FCGR2B: variants seen among roughly 807,000 people sequenced by gnomAD.
FCGR2B encodes Fc gamma receptor IIb.
A neutral mutation model predicts 24.8 loss-of-function variants in FCGR2B; 18 were observed. That is an observed-to-expected ratio of 0.73 (90% CI 0.50 to 1.08). The LOEUF (loss-of-function observed/expected upper bound fraction) is 1.08. FCGR2B is among the 50% of genes least tolerant of loss of function. The pLI, the probability that FCGR2B is intolerant of heterozygous loss-of-function variation, is 0.00. For synonymous variants in FCGR2B, 79 were observed against 109.8 expected, an observed-to-expected ratio of 0.72 and a Z score of 1.75; for missense variants, 215 against 297.6, an observed-to-expected ratio of 0.72 and a Z score of 2.04.
chr1:161,676,104 T>C (rs188422682), intron 6 of FCGR2B: 31,653 of 230,254 alleles, frequency 0.14, 2,444 homozygotes, highest in African/African-American at 0.18. Context: ...TAAAGGAACT[T>C]CCAGGAGGAT....
Position 161,677,864 on chromosome 1 carries a change from T to G in FCGR2B, c.*311T>G. ...TAACAGATAATAGCAACTTGGGAAATGCTTATGTTACAGGTTACGTGAGAA... is the reference window on the plus strand; with the variant it reads ...TAACAGATAATAGCAACTTGGGAAAGGCTTATGTTACAGGTTACGTGAGAA... On this transcript the variant is annotated 3_prime_UTR_variant, in exon 8 of 8. Coordinates refer to ENST00000358671, the MANE Select transcript of FCGR2B (RefSeq NM_001394477.1). 2 of 343,080 alleles carry G rather than the reference T, an allele frequency of 5.8e-6. No homozygotes were observed. Among genetic ancestry groups the G allele is most frequent in the East Asian group, 9.7e-5 (2 of 20,642 alleles). 21.3% of individuals were successfully genotyped at this position (343,080 alleles called of 1,614,324 possible).
At chr1:161,649,361 A>G in the FCGR2B span, among the ~76,000 whole-genome samples, 1 of 150,996 alleles carries the variant, frequency 6.6e-6, no homozygotes, top group African/African-American at 2.4e-5. Context: ...CTTTAAAAGA[A>G]AAGTTTTGCA....
the FCGR2B span, among the ~76,000 whole-genome samples, chr1:161,654,887 C>T: frequency 1.5e-5 from 2 of 137,394 alleles, no homozygotes; most frequent in Admixed American, 1.5e-4. Context: ...TCAGGTGTTT[C>T]TAATTAATAC....
chr1:161,671,486 C>A lies in FCGR2B; in HGVS notation c.228C>A (p.Ser76Arg), dbSNP rs751280282. ...SVTLTCRGTH[S>R]PESDSIQWFH... ...CTCTGACATGCCGGGGGACTCACAG[C>A]CCTGAGAGCGACTCCATTCAGTGGT... The change falls in exon 3 of 8, where the codon AGC (serine) becomes AGA (arginine). Residue 76 changes from serine to arginine, a missense_variant. This residue lies in a region of FCGR2B where 77 missense variants were observed against 68.8 expected (regional missense o/e 1.12). Transcript: ENST00000358671. The A allele has an allele frequency of 2.5e-6, 4 of 1,614,066 alleles. No homozygotes were observed. The Admixed American group carries it at 5.0e-5, about 20-fold the overall frequency.
At chr1:161,652,943 T>C in the FCGR2B span, among the ~76,000 whole-genome samples, 4 of 134,524 alleles carry the variant, frequency 3.0e-5, 1 homozygote, top group Admixed American at 8.2e-5. Flanking sequence ...TCAATTTTCC[T>C]GCACTACCCC....
rs2102685550 is a variant in FCGR2B at position 161,678,400 on chromosome 1, C to A, written c.*847C>A. 1 of 217,764 alleles carries A rather than the reference C, an allele frequency of 4.6e-6. No individual in the cohort carries two copies. The highest frequency in any genetic ancestry group is 1.9e-4 in the South Asian group (1 of 5,388). 13.5% of individuals were successfully genotyped at this position (217,764 alleles called of 1,614,324 possible). On this transcript the variant is annotated 3_prime_UTR_variant, in exon 8 of 8. Transcript: ENST00000358671. ...TTGCCTAAAGTATTCAGTACAGTAG[C>A]ATGCTGTACAGGTTTGTAGCCTAGG...
Position 161,673,336 on chromosome 1 carries a change from G to T in FCGR2B, c.646+107G>T, listed in dbSNP as rs1291732471. 2.5e-5 allele frequency: 40 copies of T among 1,601,708 alleles called. No individual in the cohort carries two copies. The East Asian group carries it at 9.0e-4, about 36-fold the overall frequency. On this transcript the variant is annotated intron_variant, in intron 4 of 7. Coordinates refer to ENST00000358671, the MANE Select transcript of FCGR2B (RefSeq NM_001394477.1). Reference sequence around the variant, plus strand: ...CTGAGAAAGGCCACAGCGCAAAATTGGGCACTGGAGCAAAGAGGAGTGGTG... The same window carrying T: ...CTGAGAAAGGCCACAGCGCAAAATTTGGCACTGGAGCAAAGAGGAGTGGTG...
chr1:161,675,077 G>A (rs901224122), intron 5 of FCGR2B, 180 bp from the exon 6 acceptor site: 7 of 553,560 alleles, frequency 1.3e-5, no homozygotes, highest in African/African-American at 2.0e-5. Flanking sequence ...TCTGCCTCTG[G>A]ACCAGCCCTT....
At chr1:161,650,946 T>C in the FCGR2B span, among the ~76,000 whole-genome samples, 1 of 96,516 alleles carries the variant, frequency 1.0e-5, no homozygotes, top group African/African-American at 3.8e-5. Flanking sequence ...AAATTATTGA[T>C]AGAGAATTAT....
Position 161,671,510 on chromosome 1 carries a change from G to T in FCGR2B, c.252G>T (p.Trp84Cys). 6.2e-7 allele frequency: 1 copy of T among 1,614,178 alleles called. No homozygotes were observed. Among genetic ancestry groups the T allele is most frequent in the South Asian group, 1.1e-5 (1 of 91,084 alleles). ...GCCCTGAGAGCGACTCCATTCAGTGGTTCCACAATGGGAATCTCATTCCCA... is the reference window on the plus strand; with the variant it reads ...GCCCTGAGAGCGACTCCATTCAGTGTTTCCACAATGGGAATCTCATTCCCA... ...THSPESDSIQ[W>C]FHNGNLIPTH... Residue 84 changes from tryptophan to cysteine, a missense_variant, in exon 3 of 8, where the codon TGG becomes TGT. Transcript: ENST00000358671.
chr1:161,671,158 T>C (rs1031719196), intron 2 of FCGR2B, among the ~76,000 whole-genome samples: 1 of 152,160 alleles, frequency 6.6e-6, no homozygotes, highest in African/African-American at 2.4e-5. Context: ...GGTGTTTCTC[T>C]TGCCTGCTCC....
chr1:161,652,675 G>T, the FCGR2B span, among the ~76,000 whole-genome samples: 1 of 134,656 alleles, frequency 7.4e-6, no homozygotes. Context: ...TTCTGTGTTG[G>T]CTCATTGTTT....
chr1:161,675,654 G>A, intron 6 of FCGR2B: 1 of 263,626 alleles, frequency 3.8e-6, no homozygotes. Context: ...AAAGGATGGG[G>A]TTAGGGGCTG....
rs376541915 is a variant in FCGR2B at position 161,673,199 on chromosome 1, T to C, written c.616T>C (p.Ser206Pro). ...AGGAAACATAGGCTACACGCTGTAC[T>C]CATCCAAGCCTGTGACCATCACTGT... Reference protein sequence around the residue: ...CTGNIGYTLYSSKPVTITVQA... With the variant: ...CTGNIGYTLYPSKPVTITVQA... Residue 206 changes from serine to proline, a missense_variant, in exon 4 of 8, where the codon TCA becomes CCA. Physicochemically the swap from Ser to Pro is moderately conservative, Grantham distance 74 (BLOSUM62 -1). Around this residue, in one of 5 missense-constraint regions of FCGR2B, gnomAD observed 16 missense variants for 46.6 expected, o/e 0.34. Coordinates refer to ENST00000358671, the MANE Select transcript of FCGR2B (RefSeq NM_001394477.1). 6.2e-7 allele frequency: 1 copy of C among 1,607,690 alleles called. No individual in the cohort carries two copies. Among genetic ancestry groups the C allele is most frequent in the African/African-American group, 1.4e-5 (1 of 73,810 alleles).
chr1:161,672,556 T>C (rs1681759561), intron 3 of FCGR2B: 2 of 277,922 alleles, frequency 7.2e-6, no homozygotes, highest in East Asian at 9.1e-5. Flanking sequence ...GTCCTTATCA[T>C]ATGCGGACTC....
intron 6 of FCGR2B, chr1:161,676,135 T>C (rs1263590785): frequency 4.4e-6 from 1 of 229,366 alleles, no homozygotes; most frequent in African/African-American, 2.2e-5. Context: ...TTCCAGACTG[T>C]AGTTAAAGTC....
In FCGR2B at chr1:161,675,427, C is replaced by T. The variant is rs1214449526; in HGVS notation, c.817+114C>T. On this transcript the variant is annotated intron_variant, in intron 6 of 7. Coordinates refer to ENST00000358671, the MANE Select transcript of FCGR2B (RefSeq NM_001394477.1). ...CAGCTGGGAGCCAGGGAGGGAGCAG[C>T]AGTGGGAGGATGGCTGGGGCTCAAA... The T allele has an allele frequency of 2.3e-5, 16 of 685,574 alleles. No individual in the cohort carries two copies. In the Admixed American group the frequency reaches 3.1e-4, roughly 13 times the overall value. 42.5% of individuals were successfully genotyped at this position (685,574 alleles called of 1,614,324 possible).
Position 161,678,384 on chromosome 1 carries a change from G to T in FCGR2B, c.*831G>T, listed in dbSNP as rs1682310449. 2 of 216,544 alleles carry T rather than the reference G, an allele frequency of 9.2e-6. No individual in the cohort carries two copies. The highest frequency in any genetic ancestry group is 1.9e-5 in the Non-Finnish European group (2 of 107,634). 13.4% of individuals were successfully genotyped at this position (216,544 alleles called of 1,614,324 possible). A position where few individuals can be genotyped will look rare whatever the true frequency, so the allele number is the denominator to read the frequency against. ...TACCATTGTGTTACAATTGCCTAAAGTATTCAGTACAGTAGCATGCTGTAC... is the reference window on the plus strand; with the variant it reads ...TACCATTGTGTTACAATTGCCTAAATTATTCAGTACAGTAGCATGCTGTAC... On this transcript the variant is annotated 3_prime_UTR_variant, in exon 8 of 8. Coordinates refer to ENST00000358671, the MANE Select transcript of FCGR2B (RefSeq NM_001394477.1).
In FCGR2B at chr1:161,671,916, G is replaced by C. The variant is rs1005050037; in HGVS notation, c.391+267G>C. ...CCATTTCCATTTTAATGGCAGAATT[G>C]AAAAGCACAGACCACAACTGAATCC... On this transcript the variant is annotated intron_variant, in intron 3 of 7. Coordinates refer to ENST00000358671, the MANE Select transcript of FCGR2B (RefSeq NM_001394477.1). 2.0e-5 allele frequency: 12 copies of C among 594,788 alleles called. No homozygotes were observed. In the Admixed American group the frequency reaches 2.4e-4, roughly 12 times the overall value. The allele number at this position is 594,788 out of a possible 1,614,324, so 36.8% of individuals were successfully genotyped here. A position where few individuals can be genotyped will look rare whatever the true frequency, so the allele number is the denominator to read the frequency against.
Sources: allele counts gnomAD v4.1 joint callset (sites outside exome capture counted in the v4.1 genomes callset), GRCh38; gene constraint gnomAD v4.1.1; regional missense constraint gnomAD v4.1.1; transcripts MANE v1.5; gene names NCBI Gene and HGNC (gene_info 2026-07-23, HGNC 2026-07-21).